Variants in GABRB2 observed in about 807,000 individuals in gnomAD.
GABRB2 encodes the protein gamma-aminobutyric acid type A receptor subunit beta2.
In GABRB2, 16 loss-of-function variants were observed where a neutral mutation model predicts 54.7. The ratio of observed to expected loss-of-function variants is 0.29; its 90% CI spans 0.20 to 0.44. The LOEUF is 0.44. GABRB2 is among the 20% of genes least tolerant of loss of function. GABRB2 has a pLI of 1.00. For missense variants in GABRB2, 355 were observed against 644.0 expected (o/e 0.55, Z 4.86); for synonymous variants, 244 against 233.8 (o/e 1.04, Z -0.40).
Position 161,313,264 on chromosome 5 carries a change from A to C in GABRB2, c.1191+13104T>G, listed in dbSNP as rs368564037. On this transcript the variant is annotated intron_variant, in intron 9 of 9. Coordinates refer to ENST00000393959, the MANE Select transcript of GABRB2 (RefSeq NM_001371727.1). Reference sequence around the variant, plus strand: ...CCTCTAGGTATCAGTCTTTTCATTTACAAAATGATAGAATCCTTTAAACCT... The same window carrying C: ...CCTCTAGGTATCAGTCTTTTCATTTCCAAAATGATAGAATCCTTTAAACCT... Among the ~76,000 whole-genome samples, 29 of 152,266 alleles carry C rather than the reference A, an allele frequency of 1.9e-4. No homozygotes were observed. The South Asian group carries it at 6.0e-3, about 32-fold the overall frequency.
chr5:161,398,094 T>C (rs2113067870), intron 5 of GABRB2, among the ~76,000 whole-genome samples: 1 of 152,266 alleles, frequency 6.6e-6, no homozygotes, highest in Middle Eastern at 3.4e-3. Flanking sequence ...CACAGGATAA[T>C]TTGCACAAAG....
intron 4 of GABRB2, among the ~76,000 whole-genome samples, chr5:161,445,227 T>C (rs1751106118): frequency 6.6e-6 from 1 of 152,072 alleles, no homozygotes; most frequent in South Asian, 2.1e-4. Context: ...ATGCATATAG[T>C]TATAAAGAAT....
At chr5:161,488,351 C>G (rs1370187055) in intron 3 of GABRB2, among the ~76,000 whole-genome samples, 1 of 151,316 alleles carries the variant, frequency 6.6e-6, no homozygotes, top group African/African-American at 2.4e-5. Flanking sequence ...TGTTTTGGGG[C>G]CAGTAAACCT....
At chr5:161,294,719 C>T (rs183998418) in intron 9 of GABRB2, among the ~76,000 whole-genome samples, 35 of 152,184 alleles carry the variant, frequency 2.3e-4, no homozygotes, top group Admixed American at 1.8e-3. Flanking sequence ...ACTTAGGGCA[C>T]GCAGAGAAAT....
chr5:161,339,106 C>T (rs971828993), intron 5 of GABRB2, among the ~76,000 whole-genome samples: 2 of 152,050 alleles, frequency 1.3e-5, no homozygotes, highest in East Asian at 1.9e-4. Context: ...ACAATCCTAC[C>T]TTTGATAAAC....
At chr5:161,398,453 C>T (rs939797521) in intron 5 of GABRB2, among the ~76,000 whole-genome samples, 1 of 152,204 alleles carries the variant, frequency 6.6e-6, no homozygotes, top group African/African-American at 2.4e-5. Context: ...AGAGGACCCA[C>T]TGTGGAAACT....
chr5:161,527,302 T>C (rs932630067), intron 3 of GABRB2, among the ~76,000 whole-genome samples: 1 of 151,514 alleles, frequency 6.6e-6, no homozygotes, highest in Non-Finnish European at 1.5e-5. Context: ...TACCTACCTG[T>C]CTACCTATCA....
chr5:161,498,959 T>A (rs1297091515), intron 3 of GABRB2, among the ~76,000 whole-genome samples: 1 of 152,190 alleles, frequency 6.6e-6, no homozygotes, highest in Non-Finnish European at 1.5e-5. Flanking sequence ...GATGCTCTGC[T>A]ACCTTTCTAC....
intron 5 of GABRB2, among the ~76,000 whole-genome samples, chr5:161,390,237 C>T (rs1207851888): frequency 6.6e-6 from 1 of 151,986 alleles, no homozygotes; most frequent in Non-Finnish European, 1.5e-5. Context: ...ATTTTGTGTA[C>T]TTTCTTAAAT....
chr5:161,375,867 T>C (rs1440328607), intron 5 of GABRB2, among the ~76,000 whole-genome samples: 2 of 152,152 alleles, frequency 1.3e-5, no homozygotes, highest in Admixed American at 1.3e-4. Flanking sequence ...TGATGATTCT[T>C]GACCAACCAG....
intron 9 of GABRB2, among the ~76,000 whole-genome samples, chr5:161,315,506 T>C (rs893737281): frequency 7.9e-5 from 12 of 152,142 alleles, no homozygotes; most frequent in Non-Finnish European, 1.8e-4. Context: ...CTAGTGATTA[T>C]TGAGATAAAT....
At chr5:161,339,858 T>C (rs1317704984) in intron 5 of GABRB2, among the ~76,000 whole-genome samples, 2 of 152,040 alleles carry the variant, frequency 1.3e-5, no homozygotes, top group East Asian at 3.9e-4. Flanking sequence ...CTTGATGCCA[T>C]ATCTATGTGA....
intron 4 of GABRB2, among the ~76,000 whole-genome samples, chr5:161,420,597 T>C (rs1345708192): frequency 6.6e-6 from 1 of 152,222 alleles, no homozygotes; most frequent in Non-Finnish European, 1.5e-5. Context: ...CCTGTCTTGC[T>C]TCTGTAAGAC....
At chr5:161,472,893 CT>C (rs1197853585) in intron 3 of GABRB2, among the ~76,000 whole-genome samples, 2 of 151,804 alleles carry the variant, frequency 1.3e-5, no homozygotes, top group African/African-American at 2.4e-5. Context: ...TAAAAATTAA[CT>C]TTTTTTTCAG....
intron 9 of GABRB2, among the ~76,000 whole-genome samples, chr5:161,313,522 C>A: frequency 6.8e-6 from 1 of 147,546 alleles, no homozygotes; most frequent in African/African-American, 2.5e-5. Context: ...CAAAAAACAC[C>A]ACCACCGAGA....
intron 3 of GABRB2, among the ~76,000 whole-genome samples, chr5:161,508,957 C>A (rs1199614860): frequency 1.3e-5 from 2 of 151,852 alleles, no homozygotes; most frequent in South Asian, 2.1e-4. Flanking sequence ...CCAGAACAAC[C>A]CAATTTCCTC....
chr5:161,339,481 T>C (rs997049749), intron 5 of GABRB2, among the ~76,000 whole-genome samples: 2 of 152,090 alleles, frequency 1.3e-5, no homozygotes, highest in African/African-American at 4.8e-5. Flanking sequence ...GGCTTGGGGA[T>C]CTGATTTTCT....
chr5:161,360,450 T>C (rs1277958830), intron 5 of GABRB2, among the ~76,000 whole-genome samples: 1 of 152,236 alleles, frequency 6.6e-6, no homozygotes, highest in East Asian at 1.9e-4. Flanking sequence ...ATAATACTTG[T>C]AATATGTTTA....
chr5:161,385,947 G>GT (rs1561631724), intron 5 of GABRB2, among the ~76,000 whole-genome samples: 2,979 of 93,390 alleles, frequency 0.032, 103 homozygotes, highest in East Asian at 0.075. Flanking sequence ...CCTATTGTCT[G>GT]GTGTGTGTGT....
Sources: allele counts gnomAD v4.1 joint callset (sites outside exome capture counted in the v4.1 genomes callset), GRCh38; gene constraint gnomAD v4.1.1; transcripts MANE v1.5; gene names NCBI Gene and HGNC (gene_info 2026-07-23, HGNC 2026-07-21).